FCRL4: variants seen among roughly 807,000 people sequenced by gnomAD.
FCRL4 encodes Fc receptor like 4.
In FCRL4, 43 loss-of-function variants were observed where a neutral mutation model predicts 64.1. The ratio of observed to expected loss-of-function variants is 0.67; its 90% CI spans 0.53 to 0.87. The LOEUF is 0.87. Ranked by LOEUF, FCRL4 falls within the 40% of genes least tolerant of loss-of-function variation. FCRL4 has a pLI of 0.00. For synonymous variants in FCRL4, 253 were observed against 239.8 expected (o/e 1.05, Z -0.51); for missense variants, 656 against 613.5 (o/e 1.07, Z -0.73).
intron 6 of FCRL4, among the ~76,000 whole-genome samples, chr1:157,584,736 G>A (rs913972854): frequency 2.6e-5 from 4 of 151,978 alleles, no homozygotes; most frequent in African/African-American, 4.8e-5. Flanking sequence ...AAGTTGAGCC[G>A]CATCTGGGCC....
intron 2 of FCRL4, among the ~76,000 whole-genome samples, chr1:157,589,675 G>A (rs1446736154): frequency 6.6e-6 from 1 of 152,214 alleles, no homozygotes; most frequent in Admixed American, 6.5e-5. Context: ...TTCAGAGGGG[G>A]GGCAGCCCTG....
chr1:157,577,807 A>T (rs1652449216), intron 10 of FCRL4, among the ~76,000 whole-genome samples: 1 of 152,232 alleles, frequency 6.6e-6, no homozygotes, highest in Non-Finnish European at 1.5e-5. Flanking sequence ...CCAGAAAAGA[A>T]CAGGCAGAAT....
At chr1:157,585,344 C>CTCCCTTTCTT (rs1553276895) in intron 6 of FCRL4, among the ~76,000 whole-genome samples, 4 of 81,318 alleles carry the variant, frequency 4.9e-5, no homozygotes, top group African/African-American at 1.8e-4. Context: ...CTTTCTCTCT[C>CTCCCTTTCTT]TCTTTCTTTC....
chr1:157,586,167 C>T lies in FCRL4; in HGVS notation c.1135+1G>A, dbSNP rs1652685772. ...TAAGGTCAATAGAGATTAAAACTCA[C>T]CTCTCACAGTGACATTCAGCACCAT... is the stretch of plus-strand genomic sequence containing the variant. On this transcript the variant is annotated splice_donor_variant, in intron 6 of 11. Transcript: ENST00000271532. LOFTEE classifies it high-confidence loss of function. The T allele has an allele frequency of 1.2e-6, 2 of 1,601,884 alleles. No individual in the cohort carries two copies. The highest frequency in any genetic ancestry group is 8.5e-7 in the Non-Finnish European group (1 of 1,170,900).
intron 6 of FCRL4, among the ~76,000 whole-genome samples, chr1:157,583,524 C>T (rs935614233): frequency 1.3e-5 from 2 of 152,150 alleles, no homozygotes; most frequent in African/African-American, 4.8e-5. Flanking sequence ...AGGATTAGTG[C>T]CCTTCTAAGA....
At chr1:157,578,378 A>G in intron 10 of FCRL4, 96 bp downstream of exon 10, 2 of 1,033,816 alleles carry the variant, frequency 1.9e-6, no homozygotes, top group Non-Finnish European at 3.0e-6. Context: ...GACTTCCCAT[A>G]CTTACAAGAA....
intron 6 of FCRL4, among the ~76,000 whole-genome samples, chr1:157,583,318 G>A (rs866258264): frequency 4.6e-5 from 7 of 152,196 alleles, no homozygotes; most frequent in Middle Eastern, 6.8e-3. Context: ...TAGCTTAGAG[G>A]ACACCTCCAT....
intron 2 of FCRL4, among the ~76,000 whole-genome samples, chr1:157,591,976 C>A (rs1466873679): frequency 1.3e-5 from 2 of 152,072 alleles, no homozygotes; most frequent in South Asian, 2.1e-4. Flanking sequence ...GCAAACCTGA[C>A]AAAAACATGA....
intron 7 of FCRL4, 195 bp from the exon 8 acceptor site, chr1:157,580,543 CT>C: frequency 1.7e-6 from 1 of 592,870 alleles, no homozygotes; most frequent in Admixed American, 3.1e-5. Context: ...GGACTGCACA[CT>C]CCTGAGTTAA....
At position 157,597,950 on chromosome 1, in the gene FCRL4, C is replaced by A; in HGVS notation, c.-6G>T. Reference sequence around the variant, plus strand: ...AAGGACGCCCACAGCAGCATGGAAGCCTGCTCCAGGATTGGAGAAGGAGTT... The same window carrying A: ...AAGGACGCCCACAGCAGCATGGAAGACTGCTCCAGGATTGGAGAAGGAGTT... On this transcript the variant is annotated 5_prime_UTR_variant, in exon 1 of 12. Transcript: ENST00000271532. 1.2e-6 allele frequency: 2 copies of A among 1,612,774 alleles called. No homozygotes were observed. The highest frequency in any genetic ancestry group is 1.7e-6 in the Non-Finnish European group (2 of 1,179,158).
chr1:157,586,327 C>A lies in FCRL4; in HGVS notation c.976G>T (p.Glu326Ter). 1 of 1,613,952 alleles carries A rather than the reference C, an allele frequency of 6.2e-7. No homozygotes were observed. Among genetic ancestry groups the A allele is most frequent in the Non-Finnish European group, 8.5e-7 (1 of 1,180,020 alleles). Residue 326 changes from glutamate to a stop codon, truncating the protein, a stop_gained, in exon 6 of 12, where the codon GAG (glutamate) becomes TAG (stop). Coordinates refer to ENST00000271532, the MANE Select transcript of FCRL4 (RefSeq NM_031282.3). LOFTEE classifies it high-confidence loss of function. ...CTCCCCAGACTCTCCTGCATGTCCT[C>A]TCGGTGCCAGGAGAATGTGGTATCC... ...TGDTTFSWHR[E>*]DMQESLGRKT...
intron 6 of FCRL4, among the ~76,000 whole-genome samples, chr1:157,585,336 TTCTCTCTC>T (rs751051677): frequency 3.1e-5 from 4 of 129,740 alleles, no homozygotes; most frequent in Non-Finnish European, 4.8e-5. Context: ...CTCTCTTTCT[TTCTCTCTC>T]TCTTTCTTTC....
chr1:157,589,304 C>G lies in FCRL4; in HGVS notation c.207G>C (p.Leu69=). 3 of 1,614,176 alleles carry G rather than the reference C, an allele frequency of 1.9e-6. No individual in the cohort carries two copies. Among genetic ancestry groups the G allele is most frequent in the Non-Finnish European group, 2.5e-6 (3 of 1,180,034 alleles). ...GAACCTCGAGGGTGTTTCCTGGGGT[C>G]AGGGTCAACTTTTCTCCCCAGTAGT... ...HRHYWGEKLT[L]TPGNTLEVRE... The change falls in exon 3 of 12, where the codon CTG becomes CTC. Residue 69 remains leucine (L), a synonymous_variant. Transcript: ENST00000271532.
chr1:157,584,517 C>CAG (rs200271625), intron 6 of FCRL4, among the ~76,000 whole-genome samples: 7,052 of 150,832 alleles, frequency 0.047, 211 homozygotes, highest in African/African-American at 0.083. Flanking sequence ...CTCTGGACAA[C>CAG]AGAGAGAGAC....
At chr1:157,578,274 C>G (rs181545024) in intron 10 of FCRL4, among the ~76,000 whole-genome samples, 200 bp downstream of exon 10, 50 of 152,240 alleles carry the variant, frequency 3.3e-4, no homozygotes, top group Non-Finnish European at 6.6e-4. Flanking sequence ...TGATCATCAG[C>G]AAAAGTATAC....
rs1250311513 is a variant in FCRL4, at chr1:157,588,104, T to C, written c.323A>G (p.Gln108Arg). ...LLFSSDSLIL[Q>R]APYSVFEGDT... is the part of the protein sequence containing the mutation. ...ACCTTCAAACACAGAATATGGTGCCTGCAGGATTAAGGAGTCTGGAAAAGA... is the reference window on the plus strand; with the variant it reads ...ACCTTCAAACACAGAATATGGTGCCCGCAGGATTAAGGAGTCTGGAAAAGA... The change falls in exon 4 of 12, where the codon CAG becomes CGG. Residue 108 changes from glutamine (Q) to arginine (R), a missense_variant. By Grantham distance (43) the Gln-to-Arg change is conservative. Transcript: ENST00000271532. The C allele has an allele frequency of 1.2e-6, 2 of 1,612,626 alleles. No homozygotes were observed. Among genetic ancestry groups the C allele is most frequent in the Admixed American group, 3.3e-5 (2 of 59,876 alleles).
At chr1:157,591,010 A>G (rs148543561) in intron 2 of FCRL4, among the ~76,000 whole-genome samples, 4 of 152,330 alleles carry the variant, frequency 2.6e-5, no homozygotes, top group Admixed American at 2.0e-4. Flanking sequence ...AAATATACCA[A>G]TAAGGCCCAG....
chr1:157,592,494 A>G (rs1184795659), intron 2 of FCRL4, among the ~76,000 whole-genome samples: 4 of 152,262 alleles, frequency 2.6e-5, no homozygotes, highest in African/African-American at 9.6e-5. Context: ...AATGCTCATC[A>G]TCACTGGCCA....
chr1:157,582,955 A>G (rs1215726466), intron 6 of FCRL4, among the ~76,000 whole-genome samples: 1 of 152,230 alleles, frequency 6.6e-6, no homozygotes, highest in African/African-American at 2.4e-5. Context: ...TTCTAGACTC[A>G]AAGGGCAGAA....
Sources: gnomAD v4.1 joint callset for allele counts (sites outside exome capture counted in the v4.1 genomes callset) on GRCh38, gnomAD v4.1.1 for gene constraint, MANE v1.5 for transcripts, NCBI Gene and HGNC (gene_info 2026-07-23, HGNC 2026-07-21) for gene names.